LRCOL1: variants seen among roughly 807,000 people sequenced by gnomAD.
LRCOL1 encodes leucine rich colipase like 1, also known as leucine-rich colipase-like protein 1.
In LRCOL1, 21 loss-of-function variants were observed where a neutral mutation model predicts 21.6. The ratio of observed to expected loss-of-function variants is 0.97; its 90% CI spans 0.69 to 1.40. The LOEUF (loss-of-function observed/expected upper bound fraction) is 1.40, where lower values mean the gene tolerates loss of function less well. Ranked by LOEUF, LRCOL1 falls within the 40% of genes most tolerant of loss-of-function variation. LRCOL1 has a pLI of 0.00. For missense variants in LRCOL1, 198 were observed against 202.3 expected (o/e 0.98, Z 0.13); for synonymous variants, 98 against 90.1 (o/e 1.09, Z -0.49).
chr12:132,603,462 G>A (rs2041252346), intron 5 of LRCOL1, 58 bp from the exon 6 acceptor site: 11 of 1,535,914 alleles, frequency 7.2e-6, no homozygotes, highest in Admixed American at 2.0e-5. Context: ...AAGCGGCCGC[G>A]GAAGGAGGAC....
At position 132,604,241 on chromosome 12, in the gene LRCOL1, G is replaced by A. The variant is rs767911688; in HGVS notation, c.477+13C>T. 30 of 1,526,574 alleles carry A rather than the reference G, an allele frequency of 2.0e-5. No homozygotes were observed. Among genetic ancestry groups the A allele is most frequent in the African/African-American group, 1.6e-4 (12 of 72,976 alleles). The allele number at this position is 1,526,574 out of a possible 1,614,324, so 94.6% of individuals were successfully genotyped here. ...GGGAGGGCCTGGAGGCTGAGCCCCC[G>A]CCCGGGACTTACCAGGGGCAGGCAC... On this transcript the variant is annotated intron_variant, in intron 5 of 5. Coordinates refer to ENST00000376608, the MANE Select transcript of LRCOL1 (RefSeq NM_001195520.2).
Position 132,603,441 on chromosome 12 carries a change from G to C in LRCOL1, c.478-37C>G, listed in dbSNP as rs1368913701. 3.3e-6 allele frequency: 5 copies of C among 1,536,118 alleles called. No individual in the cohort carries two copies. In the South Asian group the frequency reaches 5.9e-5, roughly 18 times the overall value. On this transcript the variant is annotated intron_variant, in intron 5 of 5. Transcript: ENST00000376608. The stretch of plus-strand genomic sequence containing the variant: ...GCCAAAGCTGAGGAAACGTGCAGGG[G>C]ACGGGCCTCGAAGCGGCCGCGGAAG...
chr12:132,607,768 CCTCT>C (rs536937217), intron 1 of LRCOL1, among the ~76,000 whole-genome samples: 5 of 117,862 alleles, frequency 4.2e-5, no homozygotes, highest in Admixed American at 8.8e-5. Flanking sequence ...TCTGTCTCTC[CCTCT>C]CTTTCTCTGC....
chr12:132,604,664 G>C, intron 3 of LRCOL1, 42 bp downstream of exon 3: 2 of 1,527,990 alleles, frequency 1.3e-6, no homozygotes, highest in Non-Finnish European at 8.8e-7. Context: ...GGGGGCCACA[G>C]GCAGTCTCGC....
intron 1 of LRCOL1, among the ~76,000 whole-genome samples, chr12:132,608,659 T>A (rs544892491): frequency 1.3e-5 from 2 of 152,306 alleles, no homozygotes; most frequent in African/African-American, 4.8e-5. Context: ...CTCAACCTCC[T>A]GGGCTCAGGT....
chr12:132,603,306 G>C lies in LRCOL1; in HGVS notation c.*96C>G. The C allele has an allele frequency of 6.6e-7, 1 of 1,509,154 alleles. No individual in the cohort carries two copies. Among genetic ancestry groups the C allele is most frequent in the Non-Finnish European group, 8.9e-7 (1 of 1,123,684 alleles). 93.5% of individuals were successfully genotyped at this position (1,509,154 alleles called of 1,614,324 possible). A position where few individuals can be genotyped will look rare whatever the true frequency, so the allele number is the denominator to read the frequency against. On this transcript the variant is annotated 3_prime_UTR_variant, in exon 6 of 6. Transcript: ENST00000376608. ...CCAGAAACAGCAGCACAAACCGTAAGGGAAGCTTCCGCTGGAACCAGCCCC... is the reference window on the plus strand; with the variant it reads ...CCAGAAACAGCAGCACAAACCGTAACGGAAGCTTCCGCTGGAACCAGCCCC...
rs1165222156 is a variant in LRCOL1, at chr12:132,604,731, A to G, written c.206T>C (p.Phe69Ser). ...CTTCCTCCAGGGCAGGCACTGCAGG[A>G]AGATGGTCTTAGGGGTGCAGAGCGT... ...PHTLCTPKTI[F>S]LQCLPWRKPN... The change falls in exon 3 of 6, where the codon TTC becomes TCC. Residue 69 changes from phenylalanine (F) to serine (S), a missense_variant. Phe to Ser is a radical substitution (Grantham distance 155). Coordinates refer to ENST00000376608, the MANE Select transcript of LRCOL1 (RefSeq NM_001195520.2). The G allele has an allele frequency of 6.5e-7, 1 of 1,536,180 alleles. No individual in the cohort carries two copies.
rs150186338 is a variant in LRCOL1, at chr12:132,606,001, G to A, written c.105+146C>T. 1,443 of 700,302 alleles carry A rather than the reference G, an allele frequency of 2.1e-3. 3 individuals carry two copies. The highest frequency in any genetic ancestry group is 2.9e-3 in the Non-Finnish European group (1,250 of 424,124). 43.4% of individuals were successfully genotyped at this position (700,302 alleles called of 1,614,324 possible). ...CAGCCTCAGGGAGGGTTTCATCCAG[G>A]AAGGCGCTTTGTGTCCCTTTGAGAC... On this transcript the variant is annotated intron_variant, in intron 2 of 5. Coordinates refer to ENST00000376608, the MANE Select transcript of LRCOL1 (RefSeq NM_001195520.2). The surrounding 1 kb of genome is among the most constrained non-coding windows in gnomAD (Gnocchi z 4.6).
intron 1 of LRCOL1, among the ~76,000 whole-genome samples, chr12:132,607,956 CCTCT>C (rs1169051212): frequency 2.9e-5 from 4 of 136,216 alleles, no homozygotes; most frequent in Admixed American, 1.4e-4. Flanking sequence ...TCTGCCTCTC[CCTCT>C]CTCTGTCTCT....
At position 132,606,123 on chromosome 12, in the gene LRCOL1, G is replaced by T. The variant is rs2041306043; in HGVS notation, c.105+24C>A. 1.3e-6 allele frequency: 2 copies of T among 1,532,562 alleles called. No homozygotes were observed. Among genetic ancestry groups the T allele is most frequent in the Non-Finnish European group, 1.7e-6 (2 of 1,143,910 alleles). The allele number at this position is 1,532,562 out of a possible 1,614,324, so 94.9% of individuals were successfully genotyped here. On this transcript the variant is annotated intron_variant, in intron 2 of 5. Coordinates refer to ENST00000376608, the MANE Select transcript of LRCOL1 (RefSeq NM_001195520.2). This position sits in a 1 kb window ranked among gnomAD's most constrained non-coding sequence, Gnocchi z 4.6. ...TATGGCGCGTGTGGGGCCTGCAGGG[G>T]CATCAGGGGTGCCCGGCACCCACCT...
intron 5 of LRCOL1, chr12:132,604,014 C>G: frequency 7.3e-7 from 1 of 1,369,844 alleles, no homozygotes; most frequent in East Asian, 2.9e-5. Flanking sequence ...CTGACGGTCT[C>G]TGACCGGGCA....
At position 132,604,384 on chromosome 12, in the gene LRCOL1, G is replaced by T. The variant is rs1477101951; in HGVS notation, c.355-8C>A. ...GCAGAAGTCGCCGTTGGGCTGGGGA[G>T]GCAGCCAGGCAGCAGTCGTGGAGAG... On this transcript the variant is annotated splice_polypyrimidine_tract_variant and splice_region_variant and intron_variant, in intron 4 of 5. Transcript: ENST00000376608. 1 of 1,535,126 alleles carries T rather than the reference G, an allele frequency of 6.5e-7. No individual in the cohort carries two copies. The highest frequency in any genetic ancestry group is 2.4e-5 in the East Asian group (1 of 40,908).
At position 132,606,902 on chromosome 12, in the gene LRCOL1, T is replaced by TTTTTTTTTTTTTTTTTTTTTTTTTTTTG. The variant is rs1344232026; in HGVS notation, c.-13-639_-13-638insCAAAAAAAAAAAAAAAAAAAAAAAAAAA. 6.6e-6 allele frequency among the ~76,000 whole-genome samples: 1 copy of TTTTTTTTTTTTTTTTTTTTTTTTTTTTG among 152,116 alleles called. No individual in the cohort carries two copies. Among genetic ancestry groups the TTTTTTTTTTTTTTTTTTTTTTTTTTTTG allele is most frequent in the Non-Finnish European group, 1.5e-5 (1 of 67,986 alleles). On this transcript the variant is annotated intron_variant, in intron 1 of 5. Coordinates refer to ENST00000376608, the MANE Select transcript of LRCOL1 (RefSeq NM_001195520.2). The surrounding 1 kb of genome is among the most constrained non-coding windows in gnomAD (Gnocchi z 4.6). ...CACTGCATGGAAAATGGATTTTTTTTAACACATCGAGGCAAAACGTGAAAA... is the reference window on the plus strand; with the variant it reads ...CACTGCATGGAAAATGGATTTTTTTTTTTTTTTTTTTTTTTTTTTTTTTTTTTGAACACATCGAGGCAAAACGTGAAAA...
At chr12:132,608,004 T>G (rs891349693) in intron 1 of LRCOL1, among the ~76,000 whole-genome samples, 1 of 152,098 alleles carries the variant, frequency 6.6e-6, no homozygotes, top group African/African-American at 2.4e-5. Context: ...TCTCTGTCTC[T>G]GTCTCTCTCT....
At position 132,604,696 on chromosome 12, in the gene LRCOL1, C is replaced by T. The variant is rs926171953; in HGVS notation, c.231+10G>A. 75 of 1,535,116 alleles carry T rather than the reference C, an allele frequency of 4.9e-5. No homozygotes were observed. Among genetic ancestry groups the T allele is most frequent in the East Asian group, 9.8e-5 (4 of 40,900 alleles). On this transcript the variant is annotated intron_variant, in intron 3 of 5. Coordinates refer to ENST00000376608, the MANE Select transcript of LRCOL1 (RefSeq NM_001195520.2). ...TCGCTCCTCCACCCCCGCCCCTGCA[C>T]GCACCTCACCTTCCTCCAGGGCAGG...
Position 132,604,450 on chromosome 12 carries a change from C to A in LRCOL1, c.354+12G>T. ...ACCCCTGCTCCATCTGCCCCGGGTGCCCGCAGCTCACCTTGCGCCAGGGCA... is the reference window on the plus strand; with the variant it reads ...ACCCCTGCTCCATCTGCCCCGGGTGACCGCAGCTCACCTTGCGCCAGGGCA... On this transcript the variant is annotated intron_variant, in intron 4 of 5. Transcript: ENST00000376608. 4 of 1,528,614 alleles carry A rather than the reference C, an allele frequency of 2.6e-6. No homozygotes were observed. The highest frequency in any genetic ancestry group is 3.5e-6 in the Non-Finnish European group (4 of 1,144,922). The allele number at this position is 1,528,614 out of a possible 1,614,324, so 94.7% of individuals were successfully genotyped here.
At position 132,604,519 on chromosome 12, in the gene LRCOL1, G is replaced by A. The variant is rs562699510; in HGVS notation, c.297C>T (p.Ser99=). The change falls in exon 4 of 6, where the codon AGC becomes AGT. Residue 99 remains serine (S), a synonymous_variant. Transcript: ENST00000376608. ...CQSSCCVRNN[S]PQELCTPQSV... is the part of the protein sequence containing the mutation. ...TTTGGGGCGTGCACAACTCCTGCGG[G>A]CTGTTGTTGCGGACGCAGCAGCTGC... The A allele has an allele frequency of 1.3e-5, 20 of 1,536,220 alleles. No individual in the cohort carries two copies. The Admixed American group carries it at 1.8e-4, about 14-fold the overall frequency.
chr12:132,608,292 C>T (rs992347219), intron 1 of LRCOL1, among the ~76,000 whole-genome samples: 3 of 152,182 alleles, frequency 2.0e-5, no homozygotes, highest in African/African-American at 4.8e-5. Context: ...GATCAGTCCC[C>T]GCACCCACAC....
At chr12:132,605,206 G>C in intron 2 of LRCOL1, 1 of 898,456 alleles carries the variant, frequency 1.1e-6, no homozygotes, top group Non-Finnish European at 1.3e-6. Flanking sequence ...GCAGAGGTGA[G>C]CTGAGAGCCA....
Sources: gnomAD v4.1 joint callset for allele counts (sites outside exome capture counted in the v4.1 genomes callset) on GRCh38, gnomAD v4.1.1 for gene constraint, Gnocchi (gnomAD v3.1) non-coding constraint, MANE v1.5 for transcripts, NCBI Gene and HGNC (gene_info 2026-07-23, HGNC 2026-07-21) for gene names.